The following STK11 variants were observed in gnomAD, a reference collection of about 807,000 sequenced individuals.
STK11 encodes serine/threonine-protein kinase STK11.
Under a neutral mutation model 47.3 loss-of-function variants are expected in STK11, and 8 were observed. The ratio of observed to expected loss-of-function variants is 0.17; its 90% CI spans 0.10 to 0.31. STK11 has a LOEUF of 0.31. Ranked by LOEUF, STK11 falls within the 10% of genes least tolerant of loss-of-function variation. STK11 has a pLI of 1.00. For synonymous variants in STK11, 330 were observed against 255.8 expected, an observed-to-expected ratio of 1.29 and a Z score of -2.77; for missense variants, 475 against 605.0, an observed-to-expected ratio of 0.79 and a Z score of 2.25.
At chr19:1,220,227 A>C in intron 3 of STK11, 146 bp from the exon 4 acceptor site, 1 of 1,120,184 alleles carries the variant, frequency 8.9e-7, no homozygotes, top group Non-Finnish European at 1.2e-6. Context: ...TGCTGGACCT[A>C]GCCTTTCCTC....
At position 1,205,976 on chromosome 19, in the gene STK11, G is replaced by A. The variant is rs1444659287; in HGVS notation, c.-938G>A. On this transcript the variant is annotated 5_prime_UTR_variant, in exon 1 of 10. Coordinates refer to ENST00000326873, the MANE Select transcript of STK11 (RefSeq NM_000455.5). ...GCGGCGAGGGGGACGCGCCGCCCGG[G>A]GCCCGGCACCTTCGGGAACCCCCCG... 1 of 148,652 alleles carries A rather than the reference G, an allele frequency of 6.7e-6. No homozygotes were observed. The highest frequency in any genetic ancestry group is 2.4e-5 in the African/African-American group (1 of 40,920). 9.2% of individuals were successfully genotyped at this position (148,652 alleles called of 1,614,324 possible).
At position 1,226,472 on chromosome 19, in the gene STK11, A is replaced by C. The variant is rs373888280; in HGVS notation, c.1127A>C (p.Glu376Ala). The part of the protein sequence containing the change: ...FTVPGQVPEE[E>A]ASHNGQRRGL... Reference sequence around the variant, plus strand: ...CTCCCAGGACAGGTCCCAGAAGAGGAGGCCAGTCACAATGGACAGCGCCGG... The same window carrying C: ...CTCCCAGGACAGGTCCCAGAAGAGGCGGCCAGTCACAATGGACAGCGCCGG... The change falls in exon 9 of 10, where the codon GAG becomes GCG. Residue 376 changes from glutamate to alanine, a missense_variant. This residue lies in a region of STK11 where 219 missense variants were observed against 189.2 expected (regional missense o/e 1.16). Coordinates refer to ENST00000326873, the MANE Select transcript of STK11 (RefSeq NM_000455.5). The C allele has an allele frequency of 2.2e-5, 35 of 1,611,160 alleles. No individual in the cohort carries two copies. Among genetic ancestry groups the C allele is most frequent in the African/African-American group, 1.5e-4 (11 of 74,882 alleles).
At chr19:1,223,765 G>A (rs1273926116) in intron 8 of STK11, 27 of 1,039,730 alleles carry the variant, frequency 2.6e-5, no homozygotes, top group African/African-American at 3.4e-5. Context: ...GGAGCTCAGG[G>A]CCTTAGCGTA....
In STK11 at chr19:1,228,053, T is replaced by C; in HGVS notation, c.*477T>C. On this transcript the variant is annotated 3_prime_UTR_variant, in exon 10 of 10. Coordinates refer to ENST00000326873, the MANE Select transcript of STK11 (RefSeq NM_000455.5). ...TTTTGTTTGGTTGGTTCCATTTTCT[T>C]TTTTTCTTTTTTTTTTTAAGAAAAA... The C allele has an allele frequency of 9.4e-7, 1 of 1,065,444 alleles. No homozygotes were observed. The highest frequency in any genetic ancestry group is 1.1e-6 in the Non-Finnish European group (1 of 879,400). The allele number at this position is 1,065,444 out of a possible 1,614,324, so 66.0% of individuals were successfully genotyped here.
At chr19:1,223,367 T>G (rs1421731925) in intron 8 of STK11, among the ~76,000 whole-genome samples, 195 bp downstream of exon 8, 1 of 152,164 alleles carries the variant, frequency 6.6e-6, no homozygotes, top group Non-Finnish European at 1.5e-5. Flanking sequence ...AGGTGTGGGG[T>G]CAGCGGGGGC....
At chr19:1,220,551 C>T (rs2145424885) in intron 4 of STK11, 30 bp from the exon 5 acceptor site, 2 of 1,577,734 alleles carry the variant, frequency 1.3e-6, no homozygotes, top group South Asian at 1.1e-5. Flanking sequence ...CTCCCGGGCA[C>T]TCCCTGAGGG....
rs767565606 is a variant in STK11 at position 1,223,102 on chromosome 19, C to T, written c.1038C>T (p.Gly346=). The change falls in exon 8 of 10, where the codon GGC becomes GGT. Residue 346 remains glycine (G), a synonymous_variant. Coordinates refer to ENST00000326873, the MANE Select transcript of STK11 (RefSeq NM_000455.5). ...TGCCGTACTTGGAGGACCTGCACGG[C>T]GCGGACGAGGACGAGGACCTCTTCG... ...TVVPYLEDLH[G]ADEDEDLFDI... 4.3e-5 allele frequency: 69 copies of T among 1,611,152 alleles called. No homozygotes were observed. In the Admixed American group the frequency reaches 5.0e-4, roughly 12 times the overall value.
chr19:1,207,096 C>T lies in STK11; in HGVS notation c.183C>T (p.Gly61=). 6.2e-7 allele frequency: 1 copy of T among 1,613,932 alleles called. No individual in the cohort carries two copies. The highest frequency in any genetic ancestry group is 8.5e-7 in the Non-Finnish European group (1 of 1,179,882). The stretch of plus-strand genomic sequence containing the variant: ...ACCTGCTGGGGGAAGGCTCTTACGG[C>T]AAGGTGAAGGAGGTGCTGGACTCGG... ...MGDLLGEGSY[G]KVKEVLDSET... The change falls in exon 1 of 10, where the codon GGC becomes GGT. Residue 61 remains glycine, a synonymous_variant. Transcript: ENST00000326873.
At chr19:1,220,156 G>A in intron 3 of STK11, 2 of 554,236 alleles carry the variant, frequency 3.6e-6, no homozygotes, top group South Asian at 2.6e-5. Flanking sequence ...GACATCCGGG[G>A]CCCTGCCAGA....
In STK11 at chr19:1,206,937, G is replaced by T. The variant is rs1379630288; in HGVS notation, c.24G>T (p.Gln8His). The T allele has an allele frequency of 3.1e-6, 5 of 1,597,466 alleles. No homozygotes were observed. The highest frequency in any genetic ancestry group is 8.5e-7 in the Non-Finnish European group (1 of 1,172,572). ...GCATGGAGGTGGTGGACCCGCAGCA[G>T]CTGGGCATGTTCACGGAGGGCGAGC... MEVVDPQQLGMFTEGELM... is the reference protein window; with the variant it reads MEVVDPQHLGMFTEGELM... The change falls in exon 1 of 10, where the codon CAG becomes CAT. Residue 8 changes from glutamine to histidine, a missense_variant. Transcript: ENST00000326873.
In STK11 at chr19:1,227,777, G is replaced by A. The variant is rs528679025; in HGVS notation, c.*201G>A. ...CGGGCGCAGCCCTCCCCCCTCGGCC[G>A]CCCGGCAGTGCACGCGGCTTGTTGA... is the stretch of plus-strand genomic sequence containing the variant. On this transcript the variant is annotated 3_prime_UTR_variant, in exon 10 of 10. Transcript: ENST00000326873. The A allele has an allele frequency of 5.9e-5, 63 of 1,073,898 alleles. No homozygotes were observed. In the East Asian group the frequency reaches 2.8e-3, roughly 48 times the overall value. The allele number at this position is 1,073,898 out of a possible 1,614,324, so 66.5% of individuals were successfully genotyped here.
At chr19:1,215,743 A>G (rs1021460639) in intron 1 of STK11, among the ~76,000 whole-genome samples, 3 of 151,494 alleles carry the variant, frequency 2.0e-5, no homozygotes, top group African/African-American at 7.3e-5. Context: ...TGACACCCCA[A>G]GTTTTTTTTT....
At chr19:1,211,417 GACAGC>G (rs2080709387) in intron 1 of STK11, among the ~76,000 whole-genome samples, 1 of 152,076 alleles carries the variant, frequency 6.6e-6, no homozygotes, top group East Asian at 1.9e-4. Context: ...CTTCTCGGGG[GACAGC>G]ACGGCTAGCT....
intron 1 of STK11, among the ~76,000 whole-genome samples, chr19:1,207,966 C>G (rs1453100035): frequency 1.3e-5 from 2 of 152,240 alleles, no homozygotes; most frequent in African/African-American, 4.8e-5. Context: ...CTGAGCCTCT[C>G]CCAGCTGGTG....
chr19:1,224,258 A>G (rs1225281133), intron 8 of STK11: 1 of 985,230 alleles, frequency 1.0e-6, no homozygotes. Flanking sequence ...AGGAGGGTAC[A>G]GCGTGTGTGG....
At chr19:1,211,761 C>G (rs909560383) in intron 1 of STK11, among the ~76,000 whole-genome samples, 5 of 152,274 alleles carry the variant, frequency 3.3e-5, no homozygotes, top group African/African-American at 4.8e-5. Flanking sequence ...CGCACCGCCC[C>G]CGCGGTGTCC....
chr19:1,217,799 C>T (rs1398553150), intron 1 of STK11, among the ~76,000 whole-genome samples: 1 of 152,210 alleles, frequency 6.6e-6, no homozygotes, highest in Non-Finnish European at 1.5e-5. Context: ...CTCACCCTGG[C>T]TCCTGCCACA....
Position 1,206,948 on chromosome 19 carries a change from T to A in STK11, c.35T>A (p.Phe12Tyr). ...GTGGACCCGCAGCAGCTGGGCATGTTCACGGAGGGCGAGCTGATGTCGGTG... is the reference window on the plus strand; with the variant it reads ...GTGGACCCGCAGCAGCTGGGCATGTACACGGAGGGCGAGCTGATGTCGGTG... ...EVVDPQQLGM[F>Y]TEGELMSVGM... Residue 12 changes from phenylalanine to tyrosine, a missense_variant, in exon 1 of 10, where the codon TTC (phenylalanine) becomes TAC (tyrosine). Physicochemically the swap from Phe to Tyr is conservative, Grantham distance 22. Coordinates refer to ENST00000326873, the MANE Select transcript of STK11 (RefSeq NM_000455.5). 6.2e-7 allele frequency: 1 copy of A among 1,604,038 alleles called. No individual in the cohort carries two copies.
intron 1 of STK11, among the ~76,000 whole-genome samples, chr19:1,208,346 T>G (rs1033367858): frequency 4.7e-5 from 7 of 149,934 alleles, no homozygotes; most frequent in African/African-American, 1.5e-4. Context: ...CTCGCTCTGT[T>G]CCCCAGGCTG....
Sources: allele counts gnomAD v4.1 joint callset (sites outside exome capture counted in the v4.1 genomes callset), GRCh38; gene constraint gnomAD v4.1.1; regional missense constraint gnomAD v4.1.1; transcripts MANE v1.5; gene names NCBI Gene and HGNC (gene_info 2026-07-23, HGNC 2026-07-21).